PTHLH: variants seen among roughly 807,000 people sequenced by gnomAD.
The protein encoded by PTHLH is parathyroid hormone like hormone, also known as parathyroid hormone-related protein.
A neutral mutation model predicts 18.6 loss-of-function variants in PTHLH; 5 were observed. The ratio of observed to expected loss-of-function variants is 0.27; its 90% confidence interval spans 0.14 to 0.56. The LOEUF (loss-of-function observed/expected upper bound fraction) is 0.56, where lower values mean the gene tolerates loss of function less well. Among genes scored for constraint, PTHLH ranks in the 20% least tolerant of loss-of-function variants. PTHLH has a pLI of 0.92. For synonymous variants in PTHLH, 90 were observed against 94.0 expected (o/e 0.96, Z 0.25); for missense variants, 207 against 223.9 (o/e 0.92, Z 0.48).
chr12:27,965,230 G>C (rs1324002767), intron 4 of PTHLH, among the ~76,000 whole-genome samples: 2 of 152,234 alleles, frequency 1.3e-5, no homozygotes, highest in African/African-American at 4.8e-5. Flanking sequence ...TGATTCTAAA[G>C]CCAAGACTGC....
At chr12:27,966,394 T>C (rs766044100) in intron 4 of PTHLH, among the ~76,000 whole-genome samples, 6 of 152,244 alleles carry the variant, frequency 3.9e-5, no homozygotes, top group Non-Finnish European at 8.8e-5. Flanking sequence ...ACACTTTACT[T>C]AGTATTTCAA....
chr12:27,963,682 T>A lies in PTHLH; in HGVS notation c.190A>T (p.Ile64Phe), dbSNP rs1408180924. 6.2e-7 allele frequency: 1 copy of A among 1,613,624 alleles called. No homozygotes were observed. The highest frequency in any genetic ancestry group is 2.2e-5 in the East Asian group (1 of 44,874). Residue 64 changes from isoleucine (I) to phenylalanine (F), a missense_variant, in exon 5 of 6, where the codon ATC (isoleucine) becomes TTC (phenylalanine). Physicochemically the swap from Ile to Phe is conservative, Grantham distance 21 (BLOSUM62 0). Transcript: ENST00000545234. The part of the protein sequence containing the change: ...LRRRFFLHHL[I>F]AEIHTAEIRA... ...ATTTCAGCTGTGTGGATTTCTGCGA[T>A]CAGATGGTGAAGGAAGAATCGTCGC...
chr12:27,963,917 A>C, intron 4 of PTHLH, 147 bp from the exon 5 acceptor site: 1 of 785,440 alleles, frequency 1.3e-6, no homozygotes, highest in South Asian at 1.8e-5. Context: ...TTGCGCAGGG[A>C]AGGGTAACCA....
intron 5 of PTHLH, among the ~76,000 whole-genome samples, chr12:27,961,276 C>CATATATATACGTGT (rs2062750663): frequency 3.8e-5 from 2 of 52,756 alleles, no homozygotes; most frequent in South Asian, 6.6e-4. Context: ...TTTTATAACT[C>CATATATATACGTGT]ATATATATAC....
chr12:27,963,104 G>A lies in PTHLH; in HGVS notation c.524+244C>T, dbSNP rs1306823011. 7 of 1,402,826 alleles carry A rather than the reference G, an allele frequency of 5.0e-6. No individual in the cohort carries two copies. In the Admixed American group the frequency reaches 1.5e-4, roughly 29 times the overall value. 86.9% of individuals were successfully genotyped at this position (1,402,826 alleles called of 1,614,324 possible). On this transcript the variant is annotated intron_variant, in intron 5 of 5. Transcript: ENST00000545234. ...TGGTAAAGGATTGATGTTGGGTGAC[G>A]GTGGAGAAAGAGGAATGGGCTCTAG... is the stretch of plus-strand genomic sequence containing the variant.
chr12:27,962,737 G>T (rs1048393023), intron 5 of PTHLH: 16 of 980,960 alleles, frequency 1.6e-5, no homozygotes, highest in Non-Finnish European at 1.8e-5. Context: ...TGAGCTGGTA[G>T]AAACCAGAGT....
intron 3 of PTHLH, 22 bp downstream of exon 3, chr12:27,970,003 A>T (rs769143640): frequency 3.9e-6 from 2 of 518,950 alleles, no homozygotes; most frequent in Admixed American, 3.9e-5. Flanking sequence ...ACCCACATAT[A>T]TATACATAGC....
intron 2 of PTHLH, chr12:27,970,477 C>T (rs1187454849): frequency 2.6e-5 from 4 of 151,484 alleles, no homozygotes; most frequent in African/African-American, 7.2e-5. Context: ...TCCCGCGCTG[C>T]CGACCCCGGA....
chr12:27,963,830 A>C (rs2062784469), intron 4 of PTHLH, 60 bp from the exon 5 acceptor site: 1 of 1,527,420 alleles, frequency 6.5e-7, no homozygotes, highest in Non-Finnish European at 9.0e-7. Context: ...TGATAGAGAC[A>C]ACAAAGACAT....
At chr12:27,962,483 C>G (rs2062770853) in intron 5 of PTHLH, 1 of 945,254 alleles carries the variant, frequency 1.1e-6, no homozygotes, top group Non-Finnish European at 1.3e-6. Flanking sequence ...AGGTTGTGAA[C>G]TTAAATAAAT....
At chr12:27,962,045 T>A (rs1258963137) in intron 5 of PTHLH, 1 of 628,734 alleles carries the variant, frequency 1.6e-6, no homozygotes, top group Non-Finnish European at 2.8e-6. Flanking sequence ...AATGCATCGA[T>A]AAAGAAGCAG....
chr12:27,965,856 T>C (rs1242811835), intron 4 of PTHLH, among the ~76,000 whole-genome samples: 1 of 152,258 alleles, frequency 6.6e-6, no homozygotes, highest in Non-Finnish European at 1.5e-5. Flanking sequence ...TATAATTGCA[T>C]ATTTCATAAG....
intron 3 of PTHLH, chr12:27,969,817 CAATGAT>C: frequency 1.8e-6 from 1 of 563,586 alleles, no homozygotes; most frequent in South Asian, 1.4e-5. Context: ...ATATATGCAT[CAATGAT>C]AAGTAGTGTG....
intron 5 of PTHLH, chr12:27,962,216 A>G (rs527529712): frequency 2.4e-6 from 1 of 414,638 alleles, no homozygotes; most frequent in Non-Finnish European, 4.2e-6. Flanking sequence ...TTTTTGCCTC[A>G]TAGAAACATA....
chr12:27,965,424 G>T (rs568745025), intron 4 of PTHLH, among the ~76,000 whole-genome samples: 1 of 152,186 alleles, frequency 6.6e-6, no homozygotes, highest in Non-Finnish European at 1.5e-5. Context: ...TGAAGATCAA[G>T]CCTATTGCCC....
intron 4 of PTHLH, 125 bp from the exon 5 acceptor site, chr12:27,963,895 G>T: frequency 2.1e-6 from 2 of 959,124 alleles, no homozygotes; most frequent in Non-Finnish European, 3.1e-6. Context: ...AGCTGGATGG[G>T]TAGCAAGCTC....
intron 5 of PTHLH, chr12:27,961,710 T>A (rs967): frequency 0.048 from 22,176 of 465,086 alleles, 797 homozygotes; most frequent in Admixed American, 0.11. Flanking sequence ...GCTCAAGATT[T>A]TTCTAGTGCC....
rs60461766 is a variant in PTHLH at position 27,964,234 on chromosome 12, T to TTCTCTCTC, written c.102-472_102-465dup. Among the ~76,000 whole-genome samples the TTCTCTCTC allele has an allele frequency of 2.1e-4, 30 of 144,666 alleles. 1 individual carries two copies. Among genetic ancestry groups the TTCTCTCTC allele is most frequent in the East Asian group, 1.6e-3 (8 of 4,864 alleles). 94.9% of individuals were successfully genotyped at this position (144,666 alleles called of 152,430 possible). ...AAAGGCAGCTGCTTTTACCTGAGTA[T>TTCTCTCTC]TCTCTCTCTCTCTCTCTCTCTCTCT... On this transcript the variant is annotated intron_variant, in intron 4 of 5. Coordinates refer to ENST00000545234, the MANE Select transcript of PTHLH (RefSeq NM_198965.2).
At chr12:27,963,233 A>G (rs1180450728) in intron 5 of PTHLH, 115 bp downstream of exon 5, 2 of 1,566,888 alleles carry the variant, frequency 1.3e-6, no homozygotes, top group African/African-American at 2.7e-5. Flanking sequence ...TACACAATCG[A>G]TAGAGATACA....
Sources: gnomAD v4.1 joint callset for allele counts (sites outside exome capture counted in the v4.1 genomes callset) on GRCh38, gnomAD v4.1.1 for gene constraint, MANE v1.5 for transcripts, NCBI Gene and HGNC (gene_info 2026-07-23, HGNC 2026-07-21) for gene names.